The following PEX13 variants were observed in gnomAD, a reference collection of about 807,000 sequenced individuals.
The protein encoded by PEX13 is peroxisome biogenesis factor 13.
In PEX13, 28 loss-of-function variants were observed where a neutral mutation model predicts 34.5. The ratio of observed to expected loss-of-function variants is 0.81; its 90% CI spans 0.60 to 1.11. The LOEUF is 1.11. PEX13 is among the 50% of genes most tolerant of loss of function. PEX13 has a pLI of 0.00. For missense variants in PEX13, 550 were observed against 491.0 expected, an observed-to-expected ratio of 1.12 and a Z score of -1.13; for synonymous variants, 177 against 175.1, an observed-to-expected ratio of 1.01 and a Z score of -0.09.
intron 1 of PEX13, among the ~76,000 whole-genome samples, chr2:61,026,376 A>C (rs1680355875): frequency 8.8e-6 from 1 of 114,136 alleles, no homozygotes; most frequent in African/African-American, 3.6e-5. Flanking sequence ...ACGGAGTCTC[A>C]CTCTGTCGCC....
chr2:61,023,649 G>A (rs754842705), intron 1 of PEX13, among the ~76,000 whole-genome samples: 3 of 151,372 alleles, frequency 2.0e-5, no homozygotes, highest in Non-Finnish European at 4.4e-5. Flanking sequence ...GGACTATTAA[G>A]ACATTTATTG....
intron 2 of PEX13, among the ~76,000 whole-genome samples, chr2:61,034,507 G>A (rs1033539273): frequency 2.0e-5 from 3 of 152,300 alleles, no homozygotes; most frequent in Admixed American, 6.5e-5. Flanking sequence ...GCAGGGCATC[G>A]CTTCACCCAG....
intron 2 of PEX13, among the ~76,000 whole-genome samples, chr2:61,041,379 C>G (rs1680623877): frequency 1.3e-5 from 2 of 151,896 alleles, no homozygotes; most frequent in African/African-American, 2.4e-5. Context: ...TACTATCATA[C>G]ATAGAAAGAT....
rs1333395512 is a variant in PEX13, at chr2:61,021,709, G to T, written c.92+3858G>T. Among the ~76,000 whole-genome samples the T allele has an allele frequency of 3.3e-5, 5 of 152,284 alleles. No homozygotes were observed. In the South Asian group the frequency reaches 6.2e-4, roughly 19 times the overall value. On this transcript the variant is annotated intron_variant, in intron 1 of 3. Coordinates refer to ENST00000295030, the MANE Select transcript of PEX13 (RefSeq NM_002618.4). The stretch of plus-strand genomic sequence containing the variant: ...GTTTGAGCTCTGAGAACGGACAGAC[G>T]GCCTCCTCAAGTGGGTCCCTGACCC...
intron 1 of PEX13, among the ~76,000 whole-genome samples, chr2:61,019,276 C>T (rs1680197328): frequency 6.6e-6 from 1 of 151,422 alleles, no homozygotes; most frequent in African/African-American, 2.4e-5. Context: ...TTTTCTGTTG[C>T]CCAATTTTCT....
chr2:61,034,795 G>A (rs1363430183), intron 2 of PEX13, among the ~76,000 whole-genome samples: 1 of 152,224 alleles, frequency 6.6e-6, no homozygotes, highest in East Asian at 1.9e-4. Flanking sequence ...GTAGCTCACA[G>A]TGTAAACAAA....
rs1680694803 is a variant in PEX13 at position 61,045,667 on chromosome 2, G to A, written c.788-59G>A. 20 of 1,523,022 alleles carry A rather than the reference G, an allele frequency of 1.3e-5. No homozygotes were observed. The Middle Eastern group carries it at 5.2e-4, about 40-fold the overall frequency. 94.3% of individuals were successfully genotyped at this position (1,523,022 alleles called of 1,614,324 possible). ...ATGCAGTTTGCAAGCCATAGCCAGTGAAATATCTGCATTTTTCTTTTGTAA... is the reference window on the plus strand; with the variant it reads ...ATGCAGTTTGCAAGCCATAGCCAGTAAAATATCTGCATTTTTCTTTTGTAA... On this transcript the variant is annotated intron_variant, in intron 2 of 3. Coordinates refer to ENST00000295030, the MANE Select transcript of PEX13 (RefSeq NM_002618.4).
intron 1 of PEX13, among the ~76,000 whole-genome samples, chr2:61,019,509 A>T (rs556586032): frequency 6.6e-6 from 1 of 152,240 alleles, no homozygotes; most frequent in East Asian, 1.9e-4. Flanking sequence ...AGATCAGGAC[A>T]GTTTTTCTGT....
chr2:61,036,209 C>T (rs1680531995), intron 2 of PEX13, among the ~76,000 whole-genome samples: 1 of 152,172 alleles, frequency 6.6e-6, no homozygotes, highest in Non-Finnish European at 1.5e-5. Flanking sequence ...AAACACTCCT[C>T]AGGATATTAT....
rs184103951 is a variant in PEX13 at position 61,020,241 on chromosome 2, C to A, written c.92+2390C>A. 1.3e-3 allele frequency among the ~76,000 whole-genome samples: 203 copies of A among 152,148 alleles called. 1 individual carries two copies. The highest frequency in any genetic ancestry group is 4.3e-3 in the African/African-American group (178 of 41,558). ...ACTCCATCTCAAACAACAACAACAA[C>A]AAAAAACTTATAATTACCTCCATGA... On this transcript the variant is annotated intron_variant, in intron 1 of 3. Transcript: ENST00000295030.
chr2:61,018,287 T>C, intron 1 of PEX13: 1 of 1,550,520 alleles, frequency 6.4e-7, no homozygotes, highest in Non-Finnish European at 8.7e-7. Flanking sequence ...GAGAAGTTGC[T>C]GAAAGCCGGA....
intron 1 of PEX13, among the ~76,000 whole-genome samples, chr2:61,027,862 T>A (rs1680387071): frequency 6.6e-6 from 1 of 152,246 alleles, no homozygotes; most frequent in Non-Finnish European, 1.5e-5. Context: ...CACTGGCTCC[T>A]TTTAAGTTTT....
In PEX13 at chr2:61,048,599, A is replaced by C. The variant is rs1490081832; in HGVS notation, c.1041A>C (p.Lys347Asn). 4 of 1,614,040 alleles carry C rather than the reference A, an allele frequency of 2.5e-6. No homozygotes were observed. Among genetic ancestry groups the C allele is most frequent in the Admixed American group, 3.3e-5 (2 of 59,998 alleles). ...RKGRKTVESSKVSKQQQSFTN... is the reference protein window; with the variant it reads ...RKGRKTVESSNVSKQQQSFTN... ...GTAGGAAAACGGTGGAATCAAGTAAAGTTTCCAAGCAGCAACAATCTTTTA... is the reference window on the plus strand; with the variant it reads ...GTAGGAAAACGGTGGAATCAAGTAACGTTTCCAAGCAGCAACAATCTTTTA... Residue 347 changes from lysine (K) to asparagine (N), a missense_variant, in exon 4 of 4, where the codon AAA (lysine) becomes AAC (asparagine). By Grantham distance (94) the Lys-to-Asn change is moderately conservative (BLOSUM62 0). Transcript: ENST00000295030.
intron 2 of PEX13, among the ~76,000 whole-genome samples, chr2:61,036,744 C>A (rs1005517937): frequency 6.6e-6 from 1 of 152,170 alleles, no homozygotes; most frequent in African/African-American, 2.4e-5. Flanking sequence ...CAGTTAACAT[C>A]ATAATGAATG....
chr2:61,027,817 A>G (rs950879397), intron 1 of PEX13, among the ~76,000 whole-genome samples: 5 of 152,310 alleles, frequency 3.3e-5, no homozygotes, highest in African/African-American at 1.2e-4. Context: ...GAACTGTTTC[A>G]TTAAAGCCTG....
In PEX13 at chr2:61,048,488, G is replaced by C; in HGVS notation, c.930G>C (p.Val310=). ...TTCCATCAGAACAACAACCCAAAGTGCGTGGTTGGCTTCTGGCTAGCCTTG... is the reference window on the plus strand; with the variant it reads ...TTCCATCAGAACAACAACCCAAAGTCCGTGGTTGGCTTCTGGCTAGCCTTG... ...NLALKEQQPK[V]RGWLLASLDG... is the part of the protein sequence containing the mutation. The change falls in exon 4 of 4, where the codon GTG becomes GTC. Residue 310 remains valine (V), a synonymous_variant. Transcript: ENST00000295030. 6.2e-7 allele frequency: 1 copy of C among 1,613,846 alleles called. No homozygotes were observed. Among genetic ancestry groups the C allele is most frequent in the Non-Finnish European group, 8.5e-7 (1 of 1,179,898 alleles).
intron 1 of PEX13, among the ~76,000 whole-genome samples, chr2:61,026,344 C>CTTTTTTTTTTTTTT (rs71402320): frequency 4.9e-5 from 6 of 121,238 alleles, no homozygotes; most frequent in Non-Finnish European, 6.8e-5. Flanking sequence ...TTTCTTTTTT[C>CTTTTTTTTTTTTTT]TTTTTTTTTT....
chr2:61,029,392 T>C (rs144186295), intron 1 of PEX13, among the ~76,000 whole-genome samples: 3 of 152,244 alleles, frequency 2.0e-5, no homozygotes, highest in East Asian at 3.9e-4. Flanking sequence ...TTGGCGAGAA[T>C]GTAAAATGGT....
intron 3 of PEX13, among the ~76,000 whole-genome samples, chr2:61,047,961 G>T (rs538322920): frequency 7.2e-5 from 11 of 152,066 alleles, no homozygotes; most frequent in Admixed American, 5.9e-4. Context: ...TCAATTTTTT[G>T]CCCATCTTGG....
Sources: allele counts gnomAD v4.1 joint callset (sites outside exome capture counted in the v4.1 genomes callset), GRCh38; gene constraint gnomAD v4.1.1; transcripts MANE v1.5; gene names NCBI Gene and HGNC (gene_info 2026-07-23, HGNC 2026-07-21).